The following TUG1 variants were observed in gnomAD, a reference collection of about 807,000 sequenced individuals.
TUG1 encodes taurine upregulated gene 1.
At chr22:30,971,881 T>A (rs2041234792) in intron 1 of TUG1, 102 bp downstream of exon 1, 1 of 152,276 alleles carries the variant, frequency 6.6e-6, no homozygotes, top group African/African-American at 2.4e-5. Context: ...TTTTCATCTG[T>A]CAAAACTGCC....
chr22:30,973,055 C>T (rs2041249345), exon 2 of TUG1: 1 of 152,796 alleles, frequency 6.5e-6, no homozygotes, highest in African/African-American at 2.4e-5. Flanking sequence ...TTTACCTCCA[C>T]TCCTGTCTTG....
chr22:30,972,143 T>C (rs1268889922), intron 1 of TUG1: 3 of 152,344 alleles, frequency 2.0e-5, no homozygotes, highest in East Asian at 1.9e-4. Context: ...AGGAGGAGTT[T>C]AGAGAGCAGG....
chr22:30,970,590 C>G (rs561554581), exon 1 of TUG1: 1 of 152,232 alleles, frequency 6.6e-6, no homozygotes, highest in Non-Finnish European at 1.5e-5. Flanking sequence ...ACTCTGTTAT[C>G]TGCTGCTTGT....
exon 3 of TUG1, chr22:30,977,881 A>G (rs1487484370): frequency 1.3e-5 from 2 of 152,138 alleles, no homozygotes; most frequent in Non-Finnish European, 2.9e-5. Flanking sequence ...TTGACCAGCA[A>G]CTTTTTTGAA....
intron 2 of TUG1, 122 bp from the exon 3 acceptor site, chr22:30,975,048 G>A (rs2041272765): frequency 6.6e-6 from 1 of 152,232 alleles, no homozygotes; most frequent in Non-Finnish European, 1.5e-5. Flanking sequence ...TATAGCAGAT[G>A]AGTTCTAACT....
At chr22:30,971,352 C>T (rs1359643138) in exon 1 of TUG1, 2 of 152,316 alleles carry the variant, frequency 1.3e-5, no homozygotes, top group African/African-American at 2.4e-5. Context: ...CCTCAAAAGA[C>T]TTAAGACTGT....
chr22:30,969,654 G>A (rs967675349), exon 1 of TUG1: 5 of 152,742 alleles, frequency 3.3e-5, no homozygotes, highest in Non-Finnish European at 7.3e-5. Flanking sequence ...GGCAGCGGCC[G>A]CGGGATTTGG....
exon 3 of TUG1, chr22:30,979,221 CATTTT>C (rs1400544406): frequency 1.3e-5 from 2 of 152,082 alleles, no homozygotes; most frequent in Admixed American, 6.5e-5. Flanking sequence ...AGTGTGAACT[CATTTT>C]AAAATGTGTG....
chr22:30,969,632 G>A (rs1196966510), exon 1 of TUG1: 1 of 152,752 alleles, frequency 6.5e-6, no homozygotes, highest in Non-Finnish European at 1.5e-5. Flanking sequence ...CCGCTCCGGG[G>A]GAGGCGGCGG....
chr22:30,971,737 C>T (rs2041232809), exon 1 of TUG1: 1 of 152,920 alleles, frequency 6.5e-6, no homozygotes, highest in Non-Finnish European at 1.5e-5. Context: ...TCTGTCCAGA[C>T]CCTCAGTGCA....
chr22:30,979,359 T>TA (rs1488496584), exon 3 of TUG1: 3 of 152,250 alleles, frequency 2.0e-5, no homozygotes, highest in Non-Finnish European at 4.4e-5. Flanking sequence ...ACATTATTTT[T>TA]AAACTTTATT....
exon 3 of TUG1, chr22:30,976,988 T>C (rs917278615): frequency 2.0e-5 from 3 of 152,206 alleles, no homozygotes; most frequent in Non-Finnish European, 4.4e-5. Flanking sequence ...AATTTTCTAC[T>C]ACCTTCCAAT....
At position 30,973,442 on chromosome 22, in the gene TUG1, ACTC is replaced by A. The variant is rs1463433639; in HGVS notation, c.*2553_*2555del. 3.3e-5 allele frequency: 5 copies of A among 152,170 alleles called. No homozygotes were observed. The South Asian group carries it at 8.3e-4, about 25-fold the overall frequency. 9.4% of individuals were successfully genotyped at this position (152,170 alleles called of 1,614,324 possible). ...TGGGATCAAATCAAAGGCACAGTGA[ACTC>A]CTCATAGCATCTTCTTTGGAATTAC... On this transcript the variant is annotated 3_prime_UTR_variant, in exon 2 of 3. Transcript: ENST00000644773.
At chr22:30,970,888 G>T (rs2041222283) in exon 1 of TUG1, 1 of 152,190 alleles carries the variant, frequency 6.6e-6, no homozygotes, top group Admixed American at 6.5e-5. Flanking sequence ...AACTACTGCG[G>T]AACCTCAAAA....
At chr22:30,970,528 G>T (rs2041217149) in exon 1 of TUG1, 1 of 152,218 alleles carries the variant, frequency 6.6e-6, no homozygotes, top group African/African-American at 2.4e-5. Flanking sequence ...AGGAGTGGAT[G>T]TGTTCTGTAG....
At chr22:30,977,937 T>C (rs555008950) in exon 3 of TUG1, 13 of 152,300 alleles carry the variant, frequency 8.5e-5, no homozygotes, top group African/African-American at 3.1e-4. Context: ...TATGTAATTG[T>C]TCATTTTCAG....
intron 2 of TUG1, chr22:30,974,161 T>C (rs927753192): frequency 6.6e-6 from 1 of 152,126 alleles, no homozygotes; most frequent in Non-Finnish European, 1.5e-5. Context: ...CACCTGGTTT[T>C]TTTAAAGTCA....
chr22:30,974,656 C>A (rs1390635752), intron 2 of TUG1: 3 of 152,024 alleles, frequency 2.0e-5, no homozygotes, highest in Admixed American at 2.0e-4. Context: ...CAAGGGAATC[C>A]CTAGAAGATG....
intron 2 of TUG1, chr22:30,974,659 A>C (rs999404756): frequency 5.3e-5 from 8 of 152,188 alleles, no homozygotes; most frequent in African/African-American, 1.9e-4. Flanking sequence ...GGGAATCCCT[A>C]GAAGATGTAT....
Sources: allele counts gnomAD v4.1 joint callset, GRCh38; gene constraint gnomAD v4.1.1; transcripts MANE v1.5; gene names NCBI Gene and HGNC (gene_info 2026-07-23, HGNC 2026-07-21).